The following ACSL3 variants were observed in gnomAD, a reference collection of about 807,000 sequenced individuals.
The protein encoded by ACSL3 is fatty acid CoA ligase Acsl3.
Under a neutral mutation model 84.7 loss-of-function variants are expected in ACSL3, and 34 were observed. That is an observed-to-expected ratio of 0.40 (90% CI 0.31 to 0.53). The LOEUF is 0.53. ACSL3 is among the 20% of genes least tolerant of loss of function. ACSL3 has a pLI of 0.48. For missense variants in ACSL3, 680 were observed against 873.1 expected, an observed-to-expected ratio of 0.78 and a Z score of 2.79; for synonymous variants, 315 against 299.4, an observed-to-expected ratio of 1.05 and a Z score of -0.54.
At chr2:222,936,405 A>G (rs1697170922) in intron 16 of ACSL3, among the ~76,000 whole-genome samples, 1 of 152,112 alleles carries the variant, frequency 6.6e-6, no homozygotes, top group Non-Finnish European at 1.5e-5. Flanking sequence ...ATTTCTCCAC[A>G]TCCTCACCAA....
chr2:222,871,932 C>T (rs1407022033), intron 1 of ACSL3, among the ~76,000 whole-genome samples: 2 of 152,066 alleles, frequency 1.3e-5, no homozygotes, highest in Non-Finnish European at 2.9e-5. Flanking sequence ...TTATCTGTGG[C>T]ATTACTGCTC....
chr2:222,908,388 A>G (rs1574545491), intron 3 of ACSL3, among the ~76,000 whole-genome samples: 1 of 152,196 alleles, frequency 6.6e-6, no homozygotes, highest in East Asian at 1.9e-4. Flanking sequence ...TGCCATCCCT[A>G]ATGCAGTGAG....
intron 2 of ACSL3, among the ~76,000 whole-genome samples, chr2:222,896,501 C>T (rs1184447422): frequency 7.5e-5 from 1 of 13,286 alleles, no homozygotes; most frequent in Non-Finnish European, 1.3e-4. Flanking sequence ...CCCTCCCGGA[C>T]GGGGCGGCTG....
intron 1 of ACSL3, among the ~76,000 whole-genome samples, chr2:222,866,928 G>A (rs1182890617): frequency 1.3e-5 from 2 of 150,168 alleles, no homozygotes; most frequent in Admixed American, 6.6e-5. Flanking sequence ...TCCGCCTCCC[G>A]GGTTCAAGCA....
intron 6 of ACSL3, 98 bp downstream of exon 6, chr2:222,918,253 C>A (rs1696638681): frequency 6.1e-6 from 4 of 654,520 alleles, no homozygotes; most frequent in Middle Eastern, 4.0e-4. Context: ...ACTTTTAAGT[C>A]CTTAATCTTT....
At chr2:222,903,058 C>T (rs1696193600) in intron 3 of ACSL3, among the ~76,000 whole-genome samples, 1 of 152,146 alleles carries the variant, frequency 6.6e-6, no homozygotes, top group South Asian at 2.1e-4. Flanking sequence ...CAAATCACAC[C>T]TTAGGAAATT....
chr2:222,922,283 T>C (rs1192986760), intron 8 of ACSL3, among the ~76,000 whole-genome samples: 1 of 152,222 alleles, frequency 6.6e-6, no homozygotes, highest in African/African-American at 2.4e-5. Flanking sequence ...ACTTTAACTC[T>C]TCTGGTTGGC....
In ACSL3 at chr2:222,943,308, G is replaced by A. The variant is rs1168934200; in HGVS notation, c.*1654G>A. ...TCTCTTTTCATAATTAAATATTAATGTTTGGGATAACTGCCAAGAAGAAGT... is the reference window on the plus strand; with the variant it reads ...TCTCTTTTCATAATTAAATATTAATATTTGGGATAACTGCCAAGAAGAAGT... On this transcript the variant is annotated 3_prime_UTR_variant, in exon 17 of 17. Coordinates refer to ENST00000357430, the MANE Select transcript of ACSL3 (RefSeq NM_004457.5). 5.2e-6 allele frequency: 1 copy of A among 193,986 alleles called. No homozygotes were observed. The highest frequency in any genetic ancestry group is 1.1e-5 in the Non-Finnish European group (1 of 93,274). The allele number at this position is 193,986 out of a possible 1,614,324, so 12.0% of individuals were successfully genotyped here.
chr2:222,901,258 A>AGG (rs1242972080), intron 3 of ACSL3, among the ~76,000 whole-genome samples: 5 of 152,216 alleles, frequency 3.3e-5, no homozygotes, highest in Non-Finnish European at 5.9e-5. Context: ...GGTGTAAGGA[A>AGG]GGGTTACAAC....
chr2:222,912,596 GAT>G (rs1424881195), intron 4 of ACSL3, among the ~76,000 whole-genome samples: 2 of 152,220 alleles, frequency 1.3e-5, no homozygotes, highest in African/African-American at 2.4e-5. Flanking sequence ...TGTTGTATCT[GAT>G]ATGGTTGAAG....
In ACSL3 at chr2:222,918,030, C is replaced by T; in HGVS notation, c.557-16C>T. ...AAATGTTTGAATATTTGACTGGCTG[C>T]TGCTTTTCCTTTTAGTTGTTACATT... On this transcript the variant is annotated splice_polypyrimidine_tract_variant and intron_variant, in intron 5 of 16. Coordinates refer to ENST00000357430, the MANE Select transcript of ACSL3 (RefSeq NM_004457.5). The T allele has an allele frequency of 1.3e-6, 2 of 1,558,346 alleles. No individual in the cohort carries two copies. The highest frequency in any genetic ancestry group is 1.7e-4 in the Middle Eastern group (1 of 5,844).
chr2:222,939,055 A>G (rs995671404), intron 16 of ACSL3, among the ~76,000 whole-genome samples: 2 of 151,460 alleles, frequency 1.3e-5, no homozygotes, highest in African/African-American at 2.4e-5. Flanking sequence ...CTTGTAATTC[A>G]TTGAGCATTC....
At chr2:222,878,341 A>AATTTAAAAAATTATGTG (rs1345001285) in intron 1 of ACSL3, among the ~76,000 whole-genome samples, 3 of 152,238 alleles carry the variant, frequency 2.0e-5, no homozygotes, top group Non-Finnish European at 4.4e-5. Context: ...ATGCTAATGT[A>AATTTAAAAAATTATGTG]ATTTAAAAAA....
At chr2:222,872,985 C>T (rs1695344709) in intron 1 of ACSL3, among the ~76,000 whole-genome samples, 2 of 152,116 alleles carry the variant, frequency 1.3e-5, no homozygotes, top group Non-Finnish European at 1.5e-5. Context: ...ATAAAGCCGT[C>T]TCTTAGAAGC....
intron 3 of ACSL3, among the ~76,000 whole-genome samples, chr2:222,903,397 C>T (rs373727508): frequency 1.3e-5 from 2 of 152,226 alleles, no homozygotes; most frequent in East Asian, 3.8e-4. Context: ...TTGTCCTGGC[C>T]TCCCAAAGTC....
At chr2:222,911,554 A>G (rs1696440588) in intron 4 of ACSL3, among the ~76,000 whole-genome samples, 1 of 152,174 alleles carries the variant, frequency 6.6e-6, no homozygotes, top group African/African-American at 2.4e-5. Flanking sequence ...CAGAAGTCTT[A>G]TGTTTCAGGA....
intron 3 of ACSL3, among the ~76,000 whole-genome samples, chr2:222,901,644 T>C (rs1458962138): frequency 1.3e-5 from 2 of 152,140 alleles, no homozygotes; most frequent in African/African-American, 4.8e-5. Flanking sequence ...AATGAACTAG[T>C]TATTTAGGTC....
chr2:222,900,112 G>A (rs1338957039), intron 2 of ACSL3, among the ~76,000 whole-genome samples: 1 of 152,166 alleles, frequency 6.6e-6, no homozygotes. Context: ...GAGCCACCTA[G>A]CAAATAAGAT....
rs1289137222 is a variant in ACSL3, at chr2:222,934,828, A to T, written c.2005+141A>T. ...CGTTAGTATATGGAAGAGTAAACTT[A>T]TCAGTCCCCCATTCAAGCCTTGCTA... On this transcript the variant is annotated intron_variant, in intron 16 of 16. Transcript: ENST00000357430. The T allele has an allele frequency of 8.6e-6, 7 of 817,474 alleles. No individual in the cohort carries two copies. In the East Asian group the frequency reaches 1.9e-4, roughly 22 times the overall value. 50.6% of individuals were successfully genotyped at this position (817,474 alleles called of 1,614,324 possible).
Sources: gnomAD v4.1 joint callset for allele counts (sites outside exome capture counted in the v4.1 genomes callset) on GRCh38, gnomAD v4.1.1 for gene constraint, MANE v1.5 for transcripts, NCBI Gene and HGNC (gene_info 2026-07-23, HGNC 2026-07-21) for gene names.